FER: variants seen among roughly 807,000 people sequenced by gnomAD.
FER encodes the protein tyrosine-protein kinase Fer.
In FER, 63 loss-of-function variants were observed where a neutral mutation model predicts 111.0. That is an observed-to-expected ratio of 0.57 (90% confidence interval 0.46 to 0.70). FER has a LOEUF of 0.70. Among genes scored for constraint, FER ranks in the 30% least tolerant of loss-of-function variants. The pLI is 0.00. For missense variants in FER, 914 were observed against 954.0 expected (o/e 0.96, Z 0.55); for synonymous variants, 327 against 313.9 (o/e 1.04, Z -0.44).
At chr5:109,033,192 G>A (rs1769886413) in intron 13 of FER, among the ~76,000 whole-genome samples, 1 of 152,122 alleles carries the variant, frequency 6.6e-6, no homozygotes, top group Non-Finnish European at 1.5e-5. Context: ...TCTTGGAAGA[G>A]ACTAAGAGGC....
chr5:108,853,798 G>A (rs931680887), intron 5 of FER, among the ~76,000 whole-genome samples: 1 of 152,190 alleles, frequency 6.6e-6, no homozygotes, highest in Non-Finnish European at 1.5e-5. Flanking sequence ...TTTTACTCAA[G>A]TAAGATGGGA....
At chr5:108,945,126 A>T (rs1046848504) in intron 10 of FER, among the ~76,000 whole-genome samples, 4 of 152,174 alleles carry the variant, frequency 2.6e-5, no homozygotes, top group Non-Finnish European at 5.9e-5. Context: ...GAAACAAAAG[A>T]TGTTATTTGT....
At position 108,878,322 on chromosome 5, in the gene FER, T is replaced by C. The variant is rs137951602; in HGVS notation, c.924-5074T>C. ...ATACAATAAAAATTAACATTTTCCT[T>C]TCTTCTTTTCGTCGACCACCATCAC... On this transcript the variant is annotated intron_variant, in intron 8 of 19. Coordinates refer to ENST00000281092, the MANE Select transcript of FER (RefSeq NM_005246.4). Among the ~76,000 whole-genome samples, 247 of 152,292 alleles carry C rather than the reference T, an allele frequency of 1.6e-3. 1 individual carries two copies. Among genetic ancestry groups the C allele is most frequent in the African/African-American group, 5.6e-3 (233 of 41,574 alleles).
intron 11 of FER, among the ~76,000 whole-genome samples, chr5:108,951,415 C>G (rs1292584033): frequency 2.0e-5 from 3 of 152,152 alleles, no homozygotes; most frequent in Non-Finnish European, 2.9e-5. Context: ...AAATCTTAAT[C>G]TAGTGCCTTA....
chr5:108,830,210 T>C (rs1382680149), intron 3 of FER, among the ~76,000 whole-genome samples: 1 of 152,132 alleles, frequency 6.6e-6, no homozygotes, highest in East Asian at 1.9e-4. Flanking sequence ...TCCCAGAACT[T>C]TGGGAGGCCA....
At chr5:109,071,541 C>T (rs1010856966) in intron 16 of FER, among the ~76,000 whole-genome samples, 2 of 151,808 alleles carry the variant, frequency 1.3e-5, no homozygotes, top group African/African-American at 4.8e-5. Flanking sequence ...ATATATTGTT[C>T]CTATTATGCT....
At chr5:108,791,130 A>G (rs764341275) in intron 2 of FER, among the ~76,000 whole-genome samples, 2 of 152,192 alleles carry the variant, frequency 1.3e-5, no homozygotes, top group Non-Finnish European at 2.9e-5. Context: ...TTTTGTATAG[A>G]CATATGTTTT....
At chr5:109,031,485 C>T (rs1021339214) in intron 13 of FER, among the ~76,000 whole-genome samples, 4 of 151,984 alleles carry the variant, frequency 2.6e-5, no homozygotes, top group African/African-American at 9.7e-5. Context: ...CAAATGCTCA[C>T]ATTTTTAAAA....
chr5:109,115,049 G>GT (rs1324358899), intron 17 of FER, among the ~76,000 whole-genome samples: 1 of 151,916 alleles, frequency 6.6e-6, no homozygotes, highest in Non-Finnish European at 1.5e-5. Flanking sequence ...TAGATATTTT[G>GT]TTGCTAATAA....
chr5:109,157,583 T>C (rs956232031), intron 17 of FER, among the ~76,000 whole-genome samples: 13 of 152,120 alleles, frequency 8.5e-5, no homozygotes, highest in Non-Finnish European at 1.8e-4. Context: ...GCTCCAGTGC[T>C]GTTAACTTCA....
At chr5:108,936,391 A>T (rs573783082) in intron 10 of FER, among the ~76,000 whole-genome samples, 2 of 152,128 alleles carry the variant, frequency 1.3e-5, no homozygotes, top group Non-Finnish European at 2.9e-5. Flanking sequence ...TCTTAATCAG[A>T]TGTCTTCATG....
chr5:109,016,956 A>T lies in FER; in HGVS notation c.1657-20466A>T, dbSNP rs1767224759. On this transcript the variant is annotated intron_variant, in intron 13 of 19. Transcript: ENST00000281092. ...CTCTACCTGTGAATATGCCTAGGAAAGGCCATGTGAGGACACAGTGGGAAG... is the reference window on the plus strand; with the variant it reads ...CTCTACCTGTGAATATGCCTAGGAATGGCCATGTGAGGACACAGTGGGAAG... Among the ~76,000 whole-genome samples the T allele has an allele frequency of 2.6e-5, 4 of 151,980 alleles. No individual in the cohort carries two copies. In the South Asian group the frequency reaches 6.2e-4, roughly 24 times the overall value.
intron 16 of FER, among the ~76,000 whole-genome samples, chr5:109,090,805 A>C (rs1466097395): frequency 6.6e-6 from 1 of 152,206 alleles, no homozygotes; most frequent in African/African-American, 2.4e-5. Context: ...AGTAAAAAGA[A>C]AAACAAATGG....
At position 109,153,220 on chromosome 5, in the gene FER, A is replaced by T. The variant is rs532171160; in HGVS notation, c.2049-27527A>T. Among the ~76,000 whole-genome samples, 11 of 151,324 alleles carry T rather than the reference A, an allele frequency of 7.3e-5. No individual in the cohort carries two copies. In the East Asian group the frequency reaches 9.8e-4, roughly 13 times the overall value. ...CCAGGATTTTATGGTAAAAAAAAAA[A>T]AATCAATTTGGACACTCATTTGAGT... On this transcript the variant is annotated intron_variant, in intron 17 of 19. Transcript: ENST00000281092.
chr5:108,925,365 G>A (rs1324403832), intron 10 of FER, among the ~76,000 whole-genome samples: 5 of 151,920 alleles, frequency 3.3e-5, no homozygotes. Context: ...TAGCTATATA[G>A]TTCAATGCTA....
chr5:108,840,412 CGTT>C (rs1196242962), intron 5 of FER, among the ~76,000 whole-genome samples: 9 of 152,088 alleles, frequency 5.9e-5, no homozygotes, highest in Non-Finnish European at 1.2e-4. Flanking sequence ...TCATTTCCTT[CGTT>C]GTTGTTGCTT....
intron 13 of FER, among the ~76,000 whole-genome samples, chr5:108,969,741 A>G (rs1392977585): frequency 6.7e-6 from 1 of 148,214 alleles, no homozygotes; most frequent in East Asian, 1.9e-4. Context: ...TGATAAGAAG[A>G]CAAAATATTC....
intron 13 of FER, among the ~76,000 whole-genome samples, chr5:108,980,952 T>G (rs1561713196): frequency 6.6e-6 from 1 of 152,054 alleles, no homozygotes; most frequent in Non-Finnish European, 1.5e-5. Context: ...AAAGAATAAC[T>G]TTTGGTAGGG....
intron 13 of FER, among the ~76,000 whole-genome samples, chr5:109,023,155 A>G (rs778362726): frequency 4.6e-5 from 7 of 152,116 alleles, no homozygotes; most frequent in Non-Finnish European, 8.8e-5. Flanking sequence ...GATAGACAGA[A>G]AGTGTATGTG....
Sources: gnomAD v4.1 joint callset for allele counts (sites outside exome capture counted in the v4.1 genomes callset) on GRCh38, gnomAD v4.1.1 for gene constraint, MANE v1.5 for transcripts, NCBI Gene and HGNC (gene_info 2026-07-23, HGNC 2026-07-21) for gene names.